SCAI: variants seen among roughly 807,000 people sequenced by gnomAD.
SCAI encodes protein SCAI.
A neutral mutation model predicts 92.2 loss-of-function variants in SCAI; 24 were observed. That is an observed-to-expected ratio of 0.26 (90% CI 0.19 to 0.37). SCAI has a LOEUF of 0.37. Ranked by LOEUF, SCAI falls within the 10% of genes least tolerant of loss-of-function variation. SCAI has a pLI of 1.00. For synonymous variants in SCAI, 261 were observed against 258.6 expected (o/e 1.01, Z -0.09); for missense variants, 450 against 736.2 (o/e 0.61, Z 4.50).
intron 2 of SCAI, among the ~76,000 whole-genome samples, chr9:125,072,180 C>T (rs1034633505): frequency 1.7e-4 from 26 of 152,228 alleles, no homozygotes; most frequent in Middle Eastern, 3.4e-3. Flanking sequence ...GGCACCACCA[C>T]GCCCAGCTAA....
intron 3 of SCAI, among the ~76,000 whole-genome samples, chr9:125,050,684 C>T (rs1833543391): frequency 6.6e-6 from 1 of 152,114 alleles, no homozygotes; most frequent in African/African-American, 2.4e-5. Context: ...GTGACCCTCC[C>T]ACCTCAGCCT....
At chr9:125,127,456 C>G (rs1835301663) in intron 2 of SCAI, among the ~76,000 whole-genome samples, 4 of 146,624 alleles carry the variant, frequency 2.7e-5, no homozygotes. Flanking sequence ...CCAGGCTAGT[C>G]TGAGCTCAAA....
At chr9:125,049,591 G>A (rs1695616673) in intron 3 of SCAI, among the ~76,000 whole-genome samples, 1 of 152,124 alleles carries the variant, frequency 6.6e-6, no homozygotes, top group African/African-American at 2.4e-5. Flanking sequence ...CTTACACAGT[G>A]AGTGGAAATA....
chr9:125,128,567 C>T (rs1835326641), intron 2 of SCAI, among the ~76,000 whole-genome samples: 2 of 150,604 alleles, frequency 1.3e-5, no homozygotes, highest in Admixed American at 1.3e-4. Flanking sequence ...TCCTGGCTAA[C>T]ACAGTGAAAT....
At chr9:125,142,871 G>A (rs1335572011) in intron 1 of SCAI, among the ~76,000 whole-genome samples, 194 bp from the exon 2 acceptor site, 1 of 151,846 alleles carries the variant, frequency 6.6e-6, no homozygotes, top group Non-Finnish European at 1.5e-5. Flanking sequence ...GGGACTCACC[G>A]TTCCCCCAAT....
At chr9:124,990,936 C>T (rs557319880) in intron 14 of SCAI, among the ~76,000 whole-genome samples, 1 of 152,248 alleles carries the variant, frequency 6.6e-6, no homozygotes, top group South Asian at 2.1e-4. Flanking sequence ...GTGAAGTGAT[C>T]AGAATCACAG....
intron 17 of SCAI, chr9:124,968,255 GC>G: frequency 9.0e-7 from 1 of 1,106,216 alleles, no homozygotes; most frequent in South Asian, 1.3e-5. Flanking sequence ...TGGGGTCTTG[GC>G]CTGACAGCTT....
intron 2 of SCAI, among the ~76,000 whole-genome samples, chr9:125,128,856 A>G (rs1835337163): frequency 6.6e-6 from 1 of 151,966 alleles, no homozygotes; most frequent in African/African-American, 2.4e-5. Context: ...TGAGGTCAGG[A>G]GTTCACGACC....
chr9:125,008,530 T>C (rs1832563903), intron 9 of SCAI, among the ~76,000 whole-genome samples: 1 of 151,736 alleles, frequency 6.6e-6, no homozygotes, highest in African/African-American at 2.4e-5. Flanking sequence ...AATGGAAAAA[T>C]CCAGAGCTAA....
In SCAI at chr9:125,029,700, A is replaced by G; in HGVS notation, c.270T>C (p.Tyr90=). The G allele has an allele frequency of 1.9e-6, 3 of 1,612,946 alleles. No individual in the cohort carries two copies. The highest frequency in any genetic ancestry group is 8.5e-7 in the Non-Finnish European group (1 of 1,179,170). The change falls in exon 4 of 18, where the codon TAT becomes TAC. Residue 90 remains tyrosine, a synonymous_variant. Coordinates refer to ENST00000336505, the MANE Select transcript of SCAI (RefSeq NM_001144877.3). ...TGTAAACATCAAAAGTTCTTCCAAAATAGGACTGCCACTGCTTCTGTCCAT... is the reference window on the plus strand; with the variant it reads ...TGTAAACATCAAAAGTTCTTCCAAAGTAGGACTGCCACTGCTTCTGTCCAT... The part of the protein sequence containing the change: ...PQYGQKQWQS[Y]FGRTFDVYTK...
At chr9:125,078,084 T>C (rs976042522) in intron 2 of SCAI, among the ~76,000 whole-genome samples, 4 of 152,154 alleles carry the variant, frequency 2.6e-5, no homozygotes, top group African/African-American at 4.8e-5. Flanking sequence ...TTACACATTC[T>C]AGATAAAAGC....
At chr9:125,112,607 G>T (rs1834954902) in intron 2 of SCAI, among the ~76,000 whole-genome samples, 1 of 152,178 alleles carries the variant, frequency 6.6e-6, no homozygotes. Flanking sequence ...ATATACAATG[G>T]TGTCTGATGT....
At chr9:125,009,362 T>A (rs1335273559) in intron 9 of SCAI, among the ~76,000 whole-genome samples, 1 of 152,144 alleles carries the variant, frequency 6.6e-6, no homozygotes. Context: ...CTCCACCTCC[T>A]GGGTCCAAGC....
chr9:124,976,276 G>T, intron 14 of SCAI, 90 bp from the exon 15 acceptor site: 1 of 881,430 alleles, frequency 1.1e-6, no homozygotes, highest in Non-Finnish European at 1.9e-6. Context: ...TTAGTGTATA[G>T]ATTGGGCCCT....
chr9:125,071,798 C>A (rs187352934), intron 2 of SCAI, among the ~76,000 whole-genome samples: 38 of 152,262 alleles, frequency 2.5e-4, no homozygotes, highest in African/African-American at 7.7e-4. Flanking sequence ...GTTGGTTAAT[C>A]AGAGTAAATG....
Position 124,991,956 on chromosome 9 carries a change from A to T in SCAI, c.1326+2978T>A, listed in dbSNP as rs537976575. Among the ~76,000 whole-genome samples, 7 of 152,278 alleles carry T rather than the reference A, an allele frequency of 4.6e-5. No individual in the cohort carries two copies. In the South Asian group the frequency reaches 1.4e-3, roughly 32 times the overall value. ...ATTAGAGATACGGTGTTGCTCTCTCACTCAGGCTGGAATGCAGTGGCACGA... is the reference window on the plus strand; with the variant it reads ...ATTAGAGATACGGTGTTGCTCTCTCTCTCAGGCTGGAATGCAGTGGCACGA... On this transcript the variant is annotated intron_variant, in intron 14 of 17. Transcript: ENST00000336505.
At position 124,950,999 on chromosome 9, in the gene SCAI, A is replaced by C. The variant is rs2131565253; in HGVS notation, c.*1808T>G. On this transcript the variant is annotated 3_prime_UTR_variant, in exon 18 of 18. Transcript: ENST00000336505. ...CCTGAATCCAGGAATTTGAGGCTGC[A>C]GTGAGCCATGAATGTACCGCTGCAC... is the stretch of plus-strand genomic sequence containing the variant. 1 of 150,338 alleles carries C rather than the reference A, an allele frequency of 6.7e-6. No homozygotes were observed. The highest frequency in any genetic ancestry group is 1.5e-5 in the Non-Finnish European group (1 of 67,702). The allele number at this position is 150,338 out of a possible 1,614,324, so 9.3% of individuals were successfully genotyped here. A position where few individuals can be genotyped will look rare whatever the true frequency, so the allele number is the denominator to read the frequency against.
chr9:125,084,055 C>G (rs143722041), intron 2 of SCAI, among the ~76,000 whole-genome samples: 2 of 148,426 alleles, frequency 1.3e-5, no homozygotes, highest in African/African-American at 5.0e-5. Context: ...ACTTGGTGTA[C>G]GGAGGAACGA....
At chr9:125,083,574 T>C (rs1834264732) in intron 2 of SCAI, among the ~76,000 whole-genome samples, 1 of 150,650 alleles carries the variant, frequency 6.6e-6, no homozygotes, top group Non-Finnish European at 1.5e-5. Flanking sequence ...TCTGCCATGA[T>C]TTTGAGGCTT....
Sources: gnomAD v4.1 joint callset for allele counts (sites outside exome capture counted in the v4.1 genomes callset) on GRCh38, gnomAD v4.1.1 for gene constraint, MANE v1.5 for transcripts, NCBI Gene and HGNC (gene_info 2026-07-23, HGNC 2026-07-21) for gene names.